ZNF75D: variants seen among roughly 807,000 people sequenced by gnomAD.
ZNF75D encodes zinc finger protein 75.
In ZNF75D, 33 loss-of-function variants were observed where a neutral mutation model predicts 33.3. That is an observed-to-expected ratio of 0.99 (90% CI 0.75 to 1.32). The LOEUF is 1.32. Ranked by LOEUF, ZNF75D falls within the 40% of genes most tolerant of loss-of-function variation. The pLI is 0.00. For synonymous variants in ZNF75D, 113 were observed against 130.6 expected (o/e 0.87, Z 0.92); for missense variants, 338 against 367.5 (o/e 0.92, Z 0.66).
At chrX:135,263,442 AG>A (rs1441259703) in intron 1 of ZNF75D, among the ~76,000 whole-genome samples, 1 of 113,012 alleles carries the variant, frequency 8.8e-6, no homozygotes, top group Non-Finnish European at 1.9e-5. Context: ...TAGAGGTAGT[AG>A]GCCTTGTTGA....
intron 1 of ZNF75D, among the ~76,000 whole-genome samples, chrX:135,259,176 C>T (rs782076919): frequency 8.9e-6 from 1 of 111,812 alleles, no homozygotes; most frequent in East Asian, 2.8e-4. Context: ...GTACCAGTAC[C>T]ATGCTGTTTT....
At chrX:135,279,426 T>C (rs1288498601) in intron 1 of ZNF75D, among the ~76,000 whole-genome samples, 2 of 111,967 alleles carry the variant, frequency 1.8e-5, no homozygotes, top group Non-Finnish European at 3.8e-5. Flanking sequence ...GTTAATCTTT[T>C]CAAAAAAACA....
intron 1 of ZNF75D, among the ~76,000 whole-genome samples, chrX:135,259,611 T>C (rs2083829222): frequency 8.9e-6 from 1 of 111,775 alleles, no homozygotes; most frequent in Non-Finnish European, 1.9e-5. Flanking sequence ...TAATGGTGTA[T>C]AGGAATGCTT....
chrX:135,295,073 T>C (rs1405690843), intron 2 of ZNF75D, among the ~76,000 whole-genome samples: 2 of 111,923 alleles, frequency 1.8e-5, no homozygotes, highest in African/African-American at 6.5e-5. Context: ...AGGTTCTTTA[T>C]AGATGGGAAG....
intron 1 of ZNF75D, among the ~76,000 whole-genome samples, chrX:135,260,777 G>T (rs1416629805): frequency 1.8e-5 from 2 of 111,498 alleles, no homozygotes; most frequent in African/African-American, 6.5e-5. Context: ...TTTTTGAAGG[G>T]TTTTTTGTGT....
chrX:135,265,551 T>C (rs1183619719), intron 1 of ZNF75D, among the ~76,000 whole-genome samples: 3 of 112,023 alleles, frequency 2.7e-5, no homozygotes, highest in African/African-American at 9.7e-5. Flanking sequence ...GACAGTGGCA[T>C]GACATATTTA....
intron 1 of ZNF75D, among the ~76,000 whole-genome samples, chrX:135,259,870 C>T (rs1490182872): frequency 8.9e-6 from 1 of 111,804 alleles, no homozygotes; most frequent in African/African-American, 3.3e-5. Flanking sequence ...TTGTCTTGTG[C>T]CGGTTTTCAA....
intron 1 of ZNF75D, among the ~76,000 whole-genome samples, chrX:135,321,095 TC>T (rs1328496104): frequency 2.7e-5 from 3 of 112,004 alleles, no homozygotes; most frequent in Non-Finnish European, 5.6e-5. Flanking sequence ...TCTTGCTGCA[TC>T]CTCACATGGT....
At chrX:135,331,217 C>T (rs1300319518) in intron 1 of ZNF75D, among the ~76,000 whole-genome samples, 5 of 111,003 alleles carry the variant, frequency 4.5e-5, no homozygotes, top group African/African-American at 1.6e-4. Context: ...GAACAGCATA[C>T]TTTCAGATCC....
intron 1 of ZNF75D, among the ~76,000 whole-genome samples, chrX:135,307,909 C>T (rs181683888): frequency 2.7e-5 from 3 of 112,831 alleles, no homozygotes; most frequent in East Asian, 5.6e-4. Context: ...CAGACAAAGT[C>T]GCTGATCACT....
At chrX:135,310,904 G>A (rs1160325318) in intron 1 of ZNF75D, among the ~76,000 whole-genome samples, 1 of 111,188 alleles carries the variant, frequency 9.0e-6, no homozygotes, top group Admixed American at 9.5e-5. Context: ...GTTGGAAGGG[G>A]AGGGTTTAGA....
intron 1 of ZNF75D, among the ~76,000 whole-genome samples, chrX:135,310,879 T>C (rs2084351098): frequency 9.0e-6 from 1 of 111,278 alleles, no homozygotes; most frequent in Non-Finnish European, 1.9e-5. Flanking sequence ...CCTCAGAGGA[T>C]GCAACTGACT....
At chrX:135,261,821 G>A (rs1477226571) in intron 1 of ZNF75D, among the ~76,000 whole-genome samples, 2 of 111,722 alleles carry the variant, frequency 1.8e-5, no homozygotes, top group Non-Finnish European at 3.8e-5. Flanking sequence ...TGTTAAGTGT[G>A]AATTTGATCC....
intron 6 of ZNF75D, among the ~76,000 whole-genome samples, chrX:135,289,119 C>A (rs1326554059): frequency 3.6e-5 from 4 of 112,351 alleles, no homozygotes; most frequent in Admixed American, 9.4e-5. Flanking sequence ...CTTTATGTTA[C>A]CATGGTGGAT....
At chrX:135,259,934 C>T (rs1427278020) in intron 1 of ZNF75D, among the ~76,000 whole-genome samples, 1 of 111,873 alleles carries the variant, frequency 8.9e-6, no homozygotes, top group Non-Finnish European at 1.9e-5. Context: ...GTGGGTTTGT[C>T]ATAAATAGCT....
At chrX:135,262,153 G>A (rs191499587) in intron 1 of ZNF75D, among the ~76,000 whole-genome samples, 1,152 of 112,029 alleles carry the variant, frequency 0.01, 17 homozygotes, top group African/African-American at 0.034. Flanking sequence ...GGTTTCTTCC[G>A]AGAGATCCAC....
chrX:135,257,584 G>C (rs1556414484), intron 1 of ZNF75D, among the ~76,000 whole-genome samples: 1 of 112,938 alleles, frequency 8.9e-6, no homozygotes, highest in Non-Finnish European at 1.9e-5. Context: ...CAGAACCTGG[G>C]GGAACTCCCT....
chrX:135,249,154 G>A (rs1278115684), exon 4 of ZNF75D: 4 of 323,091 alleles, frequency 1.2e-5, no homozygotes, highest in Admixed American at 3.2e-5. Flanking sequence ...GCTCAGCACC[G>A]ATTTAGAGGC....
At chrX:135,307,760 T>A (rs782479220) in intron 1 of ZNF75D, among the ~76,000 whole-genome samples, 1 of 112,138 alleles carries the variant, frequency 8.9e-6, no homozygotes, top group Non-Finnish European at 1.9e-5. Context: ...AGTGTTAAAT[T>A]TCTGCAACTA....
Sources: gnomAD v4.1 joint callset for allele counts (sites outside exome capture counted in the v4.1 genomes callset) on GRCh38, gnomAD v4.1.1 for gene constraint, MANE v1.5 for transcripts, NCBI Gene and HGNC (gene_info 2026-07-23, HGNC 2026-07-21) for gene names.